The following EPAS1 variants were observed in gnomAD, a reference collection of about 807,000 sequenced individuals.
EPAS1 encodes the protein endothelial PAS domain-containing protein 1.
A neutral mutation model predicts 87.9 loss-of-function variants in EPAS1; 23 were observed. The ratio of observed to expected loss-of-function variants is 0.26; its 90% CI spans 0.19 to 0.37. The LOEUF (loss-of-function observed/expected upper bound fraction) is 0.37. Ranked by LOEUF, EPAS1 falls within the 10% of genes least tolerant of loss-of-function variation. EPAS1 has a pLI of 1.00. For synonymous variants in EPAS1, 508 were observed against 444.3 expected (o/e 1.14, Z -1.80); for missense variants, 1,138 against 1,120.7 (o/e 1.02, Z -0.22).
chr2:46,324,514 G>A (rs1184643250), intron 1 of EPAS1, among the ~76,000 whole-genome samples: 1 of 152,232 alleles, frequency 6.6e-6, no homozygotes, highest in East Asian at 1.9e-4. Context: ...GTAGGGAACA[G>A]TAACCCTGAG....
At position 46,352,135 on chromosome 2, in the gene EPAS1, C is replaced by G. The variant is rs1056726887; in HGVS notation, c.218-4016C>G. On this transcript the variant is annotated intron_variant, in intron 2 of 15. Transcript: ENST00000263734. ...GCCATCTCTCGTCTTTGGGGTCAGA[C>G]CCTGAAGGGTCCTCGGAAGCAAGTA... Among the ~76,000 whole-genome samples the G allele has an allele frequency of 2.6e-5, 4 of 152,266 alleles. No homozygotes were observed. In the East Asian group the frequency reaches 7.7e-4, roughly 29 times the overall value.
intron 1 of EPAS1, among the ~76,000 whole-genome samples, chr2:46,317,947 T>A (rs1249803781): frequency 6.6e-6 from 1 of 152,210 alleles, no homozygotes; most frequent in Non-Finnish European, 1.5e-5. Context: ...CTTCCTAGAA[T>A]TGAAGAGAGT....
At chr2:46,372,793 A>T (rs1405259243) in intron 7 of EPAS1, among the ~76,000 whole-genome samples, 1 of 152,258 alleles carries the variant, frequency 6.6e-6, no homozygotes, top group Admixed American at 6.5e-5. Flanking sequence ...GCACTGTTTG[A>T]TCAAAAAGAG....
rs1224576793 is a variant in EPAS1, at chr2:46,375,349, G to C, written c.887-341G>C. ...AGAAAGTAAGGCAGGTTCTGGACTTGGTTCTGCTTATAGCTGAGCTGGTCT... is the reference window on the plus strand; with the variant it reads ...AGAAAGTAAGGCAGGTTCTGGACTTCGTTCTGCTTATAGCTGAGCTGGTCT... On this transcript the variant is annotated intron_variant, in intron 7 of 15. Coordinates refer to ENST00000263734, the MANE Select transcript of EPAS1 (RefSeq NM_001430.5). The surrounding 1 kb of genome is among the most constrained non-coding windows in gnomAD (Gnocchi z 4.1). Among the ~76,000 whole-genome samples, 1 of 152,064 alleles carries C rather than the reference G, an allele frequency of 6.6e-6. No homozygotes were observed. Among genetic ancestry groups the C allele is most frequent in the African/African-American group, 2.4e-5 (1 of 41,404 alleles).
At chr2:46,322,171 T>A (rs1388239903) in intron 1 of EPAS1, among the ~76,000 whole-genome samples, 1 of 152,202 alleles carries the variant, frequency 6.6e-6, no homozygotes, top group Non-Finnish European at 1.5e-5. Context: ...TGCTTAAGTC[T>A]TTGAACCGCT....
chr2:46,356,940 A>C lies in EPAS1; in HGVS notation c.454+132A>C, dbSNP rs563755754. On this transcript the variant is annotated intron_variant, in intron 4 of 15. Transcript: ENST00000263734. ...AAAAATGGATGTCCTTAAAAAATTT[A>C]AGTATGTAGCCTGTGAGATGAGATT... 3.1e-4 allele frequency: 218 copies of C among 707,414 alleles called. 2 individuals are homozygous for C. In the Middle Eastern group the frequency reaches 4.7e-3, roughly 15 times the overall value. 43.8% of individuals were successfully genotyped at this position (707,414 alleles called of 1,614,324 possible). A position where few individuals can be genotyped will look rare whatever the true frequency, so the allele number is the denominator to read the frequency against.
At chr2:46,324,274 A>G (rs1347269066) in intron 1 of EPAS1, among the ~76,000 whole-genome samples, 7 of 152,114 alleles carry the variant, frequency 4.6e-5, no homozygotes, top group Admixed American at 1.3e-4. Context: ...TCACCACGTT[A>G]GCCAGGATGG....
chr2:46,322,290 T>A (rs1683470043), intron 1 of EPAS1, among the ~76,000 whole-genome samples: 2 of 152,210 alleles, frequency 1.3e-5, no homozygotes, highest in Non-Finnish European at 2.9e-5. Context: ...GAAGTTAGAA[T>A]GTATTGAGCA....
intron 2 of EPAS1, among the ~76,000 whole-genome samples, chr2:46,355,187 G>T (rs1401805912): frequency 6.6e-6 from 1 of 152,232 alleles, no homozygotes; most frequent in Non-Finnish European, 1.5e-5. Context: ...GGTAGTGCAT[G>T]TCTTGGAGCA....
chr2:46,309,661 A>G (rs1572613923), intron 1 of EPAS1, among the ~76,000 whole-genome samples: 1 of 152,234 alleles, frequency 6.6e-6, no homozygotes, highest in East Asian at 1.9e-4. Context: ...GAATTGCGTA[A>G]GTAAAATGAG....
At chr2:46,304,304 G>T (rs1683067774) in intron 1 of EPAS1, among the ~76,000 whole-genome samples, 1 of 152,126 alleles carries the variant, frequency 6.6e-6, no homozygotes, top group South Asian at 2.1e-4. Flanking sequence ...AAGTCTAGAA[G>T]GGCTAACTGC....
chr2:46,380,681 C>T lies in EPAS1; in HGVS notation c.2009C>T (p.Pro670Leu). The change falls in exon 12 of 16, where the codon CCT (proline) becomes CTT (leucine). Residue 670 changes from proline to leucine, a missense_variant. Pro to Leu is a moderately conservative substitution (Grantham distance 98). This residue lies in a region of EPAS1 where 502 missense variants were observed against 427.1 expected (regional missense o/e 1.18). Transcript: ENST00000263734. The surrounding 1 kb of genome is among the most constrained non-coding windows in gnomAD (Gnocchi z 4.4). ...TTGGGAGCAGCGCCGTTGGGGCCCC[C>T]TGTCTCTCCACCCCATGTCTCCACC... ...EFLGAAPLGP[P>L]VSPPHVSTFK... 6.2e-7 allele frequency: 1 copy of T among 1,613,732 alleles called. No homozygotes were observed. The highest frequency in any genetic ancestry group is 1.1e-5 in the South Asian group (1 of 91,088).
At chr2:46,363,860 A>G (rs1021404693) in intron 6 of EPAS1, among the ~76,000 whole-genome samples, 4 of 152,246 alleles carry the variant, frequency 2.6e-5, no homozygotes, top group African/African-American at 9.6e-5. Context: ...ATGTAGAAGC[A>G]TTTAAAGACA....
chr2:46,380,075 T>G lies in EPAS1; in HGVS notation c.1555-152T>G. 7.8e-7 allele frequency: 1 copy of G among 1,277,238 alleles called. No homozygotes were observed. Among genetic ancestry groups the G allele is most frequent in the Non-Finnish European group, 1.1e-6 (1 of 890,050 alleles). The allele number at this position is 1,277,238 out of a possible 1,614,324, so 79.1% of individuals were successfully genotyped here. On this transcript the variant is annotated intron_variant, in intron 11 of 15. Transcript: ENST00000263734. This position sits in a 1 kb window ranked among gnomAD's most constrained non-coding sequence, Gnocchi z 4.4. ...ACATGACACAGCCAAGTCTGAGGTTTTCCTGATAGGCCCTCGGGAGCCAGT... is the reference window on the plus strand; with the variant it reads ...ACATGACACAGCCAAGTCTGAGGTTGTCCTGATAGGCCCTCGGGAGCCAGT...
At chr2:46,373,438 A>T (rs1459995118) in intron 7 of EPAS1, among the ~76,000 whole-genome samples, 1 of 152,256 alleles carries the variant, frequency 6.6e-6, no homozygotes, top group Non-Finnish European at 1.5e-5. Context: ...ACGGAATACA[A>T]CTCACTGATG....
intron 1 of EPAS1, among the ~76,000 whole-genome samples, chr2:46,309,504 A>G: frequency 6.6e-6 from 1 of 152,254 alleles, no homozygotes; most frequent in East Asian, 1.9e-4. Context: ...GTAAGGGTAA[A>G]TAGATCTTGT....
chr2:46,323,793 C>T (rs568711174), intron 1 of EPAS1, among the ~76,000 whole-genome samples: 1 of 152,284 alleles, frequency 6.6e-6, no homozygotes, highest in East Asian at 1.9e-4. Context: ...GCCCCTAGGT[C>T]ACTTGCTCAT....
intron 1 of EPAS1, among the ~76,000 whole-genome samples, chr2:46,312,214 G>A (rs1383998521): frequency 6.6e-6 from 1 of 152,106 alleles, no homozygotes; most frequent in East Asian, 1.9e-4. Context: ...AAATGCTCCC[G>A]AGTCACCTTC....
chr2:46,375,890 A>G lies in EPAS1; in HGVS notation c.1034+53A>G. Reference sequence around the variant, plus strand: ...GGTGCAGGGTATGTGGGGGTGCCCAAGCTTCCCAGACTCAGGATGACAGGC... The same window carrying G: ...GGTGCAGGGTATGTGGGGGTGCCCAGGCTTCCCAGACTCAGGATGACAGGC... On this transcript the variant is annotated intron_variant, in intron 8 of 15. Transcript: ENST00000263734. This position sits in a 1 kb window ranked among gnomAD's most constrained non-coding sequence, Gnocchi z 4.1. 1.9e-6 allele frequency: 3 copies of G among 1,612,320 alleles called. No individual in the cohort carries two copies. The highest frequency in any genetic ancestry group is 2.5e-6 in the Non-Finnish European group (3 of 1,179,128).
Sources: allele counts gnomAD v4.1 joint callset (sites outside exome capture counted in the v4.1 genomes callset), GRCh38; gene constraint gnomAD v4.1.1; regional missense constraint gnomAD v4.1.1; non-coding constraint Gnocchi (gnomAD v3.1); transcripts MANE v1.5; gene names NCBI Gene and HGNC (gene_info 2026-07-23, HGNC 2026-07-21).